DLGAP2: variants seen among roughly 807,000 people sequenced by gnomAD.
DLGAP2 encodes disks large-associated protein 2.
In DLGAP2, 26 loss-of-function variants were observed where a neutral mutation model predicts 100.3. The observed-to-expected ratio is 0.26, with a 90% confidence interval of 0.19 to 0.36. DLGAP2 has a LOEUF of 0.36. Among genes scored for constraint, DLGAP2 ranks in the 10% least tolerant of loss-of-function variants. The pLI is 1.00. For missense variants in DLGAP2, 1,858 were observed against 1,453.2 expected, an observed-to-expected ratio of 1.28 and a Z score of -4.53; for synonymous variants, 886 against 630.1, an observed-to-expected ratio of 1.41 and a Z score of -6.08.
intron 2 of DLGAP2, among the ~76,000 whole-genome samples, chr8:979,058 T>G (rs1362251568): frequency 6.6e-6 from 1 of 152,104 alleles, no homozygotes; most frequent in African/African-American, 2.4e-5. Context: ...TTCAGGAGCA[T>G]GCAGTCCGAA....
chr8:1,229,457 T>G (rs1400023214), intron 2 of DLGAP2, among the ~76,000 whole-genome samples: 1 of 152,164 alleles, frequency 6.6e-6, no homozygotes, highest in Non-Finnish European at 1.5e-5. Flanking sequence ...CTGGCAAGAT[T>G]ATGTATTTCC....
intron 2 of DLGAP2, among the ~76,000 whole-genome samples, chr8:1,168,093 C>T (rs1797055469): frequency 7.2e-6 from 1 of 138,628 alleles, no homozygotes; most frequent in Admixed American, 8.0e-5. Context: ...CACGTGTTCT[C>T]ATTGTTCAGT....
At chr8:1,588,302 A>G (rs1796187085) in intron 6 of DLGAP2, among the ~76,000 whole-genome samples, 1 of 152,200 alleles carries the variant, frequency 6.6e-6, no homozygotes, top group South Asian at 2.1e-4. Flanking sequence ...CTGAATGAAG[A>G]GAACAGAGCA....
chr8:1,204,103 C>T (rs1464562940), intron 2 of DLGAP2, among the ~76,000 whole-genome samples: 1 of 152,254 alleles, frequency 6.6e-6, no homozygotes, highest in Non-Finnish European at 1.5e-5. Flanking sequence ...GACCTGAATT[C>T]TGCATCTCTG....
rs988565981 is a variant in DLGAP2, at chr8:1,548,802, C to T, written c.349C>T (p.Arg117Trp). 44 of 1,580,352 alleles carry T rather than the reference C, an allele frequency of 2.8e-5. No individual in the cohort carries two copies. Among genetic ancestry groups the T allele is most frequent in the Middle Eastern group, 1.7e-4 (1 of 5,840 alleles). The change falls in exon 5 of 15, where the codon CGG becomes TGG. Residue 117 changes from arginine to tryptophan, a missense_variant. Physicochemically the swap from Arg to Trp is moderately radical, Grantham distance 101. Transcript: ENST00000637795. ...GCACCTGCACCACGGGCCCGACGCG[C>T]GGCCGCCCTACCTGCTGAGCCCCGC... Reference protein sequence around the residue: ...CEHLHHGPDARPPYLLSPADS... With the variant: ...CEHLHHGPDAWPPYLLSPADS...
intron 3 of DLGAP2, among the ~76,000 whole-genome samples, chr8:1,265,671 T>C (rs1027036724): frequency 7.9e-5 from 12 of 152,094 alleles, no homozygotes; most frequent in Non-Finnish European, 2.9e-5. Flanking sequence ...AACCACGGAA[T>C]AGGAGACAAA....
Position 1,043,267 on chromosome 8 carries a change from T to C in DLGAP2, c.73+135301T>C, listed in dbSNP as rs181272680. On this transcript the variant is annotated intron_variant, in intron 2 of 14. Transcript: ENST00000637795. ...GTGGGTGGTGGGTGTGGGTGGTGGA[T>C]GTGGGTGGTGGACGTGGGTGGTGGG... Among the ~76,000 whole-genome samples the C allele has an allele frequency of 6.7e-3, 581 of 86,662 alleles. 8 individuals carry two copies. The highest frequency in any genetic ancestry group is 0.018 in the African/African-American group (387 of 21,688). 56.9% of individuals were successfully genotyped at this position (86,662 alleles called of 152,430 possible). A position where few individuals can be genotyped will look rare whatever the true frequency, so the allele number is the denominator to read the frequency against.
chr8:1,269,596 T>A (rs1331399151), intron 3 of DLGAP2, among the ~76,000 whole-genome samples: 1 of 152,196 alleles, frequency 6.6e-6, no homozygotes, highest in Non-Finnish European at 1.5e-5. Flanking sequence ...TTGGTACATC[T>A]AACAATAATG....
At chr8:850,695 G>C (rs1255695700) in intron 1 of DLGAP2, among the ~76,000 whole-genome samples, 2 of 152,038 alleles carry the variant, frequency 1.3e-5, no homozygotes, top group African/African-American at 2.4e-5. Context: ...ATGTATTTTA[G>C]AATTATTTTA....
At position 1,359,297 on chromosome 8, in the gene DLGAP2, C is replaced by A. The variant is rs558292937; in HGVS notation, c.106+100414C>A. Among the ~76,000 whole-genome samples the A allele has an allele frequency of 2.0e-5, 3 of 152,354 alleles. No homozygotes were observed. In the East Asian group the frequency reaches 5.8e-4, roughly 30 times the overall value. ...TGGGAAGACCCTGTCCTCAGGCGGT[C>A]CATGCGCCCTGGTTAGACGCCTTCA... is the stretch of plus-strand genomic sequence containing the variant. On this transcript the variant is annotated intron_variant, in intron 3 of 14. Coordinates refer to ENST00000637795, the MANE Select transcript of DLGAP2 (RefSeq NM_001346810.2).
chr8:1,641,202 G>A (rs1797890597), intron 8 of DLGAP2, among the ~76,000 whole-genome samples: 2 of 152,190 alleles, frequency 1.3e-5, no homozygotes, highest in South Asian at 4.1e-4. Context: ...CGAATCACGT[G>A]CCTCCCGGTT....
chr8:1,314,150 C>A (rs1427767830), intron 3 of DLGAP2, among the ~76,000 whole-genome samples: 2 of 152,136 alleles, frequency 1.3e-5, no homozygotes, highest in Admixed American at 1.3e-4. Context: ...TCATAAAATC[C>A]TATGAAACTG....
chr8:1,265,782 G>A (rs1322838391), intron 3 of DLGAP2, among the ~76,000 whole-genome samples: 1 of 152,144 alleles, frequency 6.6e-6, no homozygotes, highest in Non-Finnish European at 1.5e-5. Context: ...TAATGTCTAA[G>A]AATTTCTGAG....
intron 2 of DLGAP2, among the ~76,000 whole-genome samples, chr8:918,981 C>T (rs1798651878): frequency 6.6e-6 from 1 of 152,088 alleles, no homozygotes; most frequent in Non-Finnish European, 1.5e-5. Context: ...CACTGTGTTG[C>T]CCAGGCTGGA....
At chr8:1,271,895 A>T (rs115648717) in intron 3 of DLGAP2, among the ~76,000 whole-genome samples, 3,196 of 152,254 alleles carry the variant, frequency 0.021, 135 homozygotes, top group African/African-American at 0.072. Context: ...GCTCACTGCA[A>T]CCTCCACCGG....
rs560847113 is a variant in DLGAP2, at chr8:840,557, G to C, written c.19-67355G>C. Among the ~76,000 whole-genome samples, 115 of 75,462 alleles carry C rather than the reference G, an allele frequency of 1.5e-3. 3 individuals carry two copies. The highest frequency in any genetic ancestry group is 4.9e-3 in the African/African-American group (105 of 21,382). 49.5% of individuals were successfully genotyped at this position (75,462 alleles called of 152,430 possible). A position where few individuals can be genotyped will look rare whatever the true frequency, so the allele number is the denominator to read the frequency against. ...CGTCTCCCCACACTCTGGATTCTGC[G>C]AGCGCGTCCACACGGTGCACGCCTG... On this transcript the variant is annotated intron_variant, in intron 1 of 14. Transcript: ENST00000637795.
At chr8:870,993 C>G (rs1162466399) in intron 1 of DLGAP2, among the ~76,000 whole-genome samples, 3 of 152,208 alleles carry the variant, frequency 2.0e-5, no homozygotes, top group African/African-American at 2.4e-5. Context: ...TCAACATTTT[C>G]CTTCCCCTGG....
intron 2 of DLGAP2, among the ~76,000 whole-genome samples, chr8:1,010,189 A>G (rs1169669106): frequency 6.6e-6 from 1 of 152,182 alleles, no homozygotes; most frequent in Non-Finnish European, 1.5e-5. Flanking sequence ...ATGCACACAC[A>G]TGCATGCACA....
At chr8:1,364,348 T>C (rs1337656706) in intron 3 of DLGAP2, among the ~76,000 whole-genome samples, 1 of 152,128 alleles carries the variant, frequency 6.6e-6, no homozygotes, top group African/African-American at 2.4e-5. Context: ...AGGATCGTTC[T>C]CGTGATCGTC....
Sources: gnomAD v4.1 joint callset for allele counts (sites outside exome capture counted in the v4.1 genomes callset) on GRCh38, gnomAD v4.1.1 for gene constraint, MANE v1.5 for transcripts, NCBI Gene and HGNC (gene_info 2026-07-23, HGNC 2026-07-21) for gene names.